Variants in CNTROB observed in about 807,000 individuals in gnomAD.
CNTROB encodes centrobin.
Under a neutral mutation model 115.7 loss-of-function variants are expected in CNTROB, and 82 were observed. The ratio of observed to expected loss-of-function variants is 0.71; its 90% CI spans 0.59 to 0.85. CNTROB has a LOEUF of 0.85. Ranked by LOEUF, CNTROB falls within the 40% of genes least tolerant of loss-of-function variation. The pLI, the probability that CNTROB is intolerant of heterozygous loss-of-function variation, is 0.00. For synonymous variants in CNTROB, 439 were observed against 456.4 expected (o/e 0.96, Z 0.49); for missense variants, 1,014 against 1,144.4 (o/e 0.89, Z 1.64).
rs1390287268 is a variant in CNTROB at position 7,939,870 on chromosome 17, C to T, written c.1164+121C>T. On this transcript the variant is annotated intron_variant, in intron 8 of 18. Coordinates refer to ENST00000563694, the MANE Select transcript of CNTROB (RefSeq NM_053051.5). The surrounding 1 kb of genome is among the most constrained non-coding windows in gnomAD (Gnocchi z 4.4). ...TAGGCAGGAATGGAGAGTAGAGAGC[C>T]ATGTGTGGGAGACAAGGTTGAGAGT... 9.1e-7 allele frequency: 1 copy of T among 1,100,124 alleles called. No homozygotes were observed. The highest frequency in any genetic ancestry group is 1.3e-6 in the Non-Finnish European group (1 of 751,182). The allele number at this position is 1,100,124 out of a possible 1,614,324, so 68.1% of individuals were successfully genotyped here. A position where few individuals can be genotyped will look rare whatever the true frequency, so the allele number is the denominator to read the frequency against.
chr17:7,932,839 CTT>C lies in CNTROB; in HGVS notation c.-240_-239del. 1 of 558,090 alleles carries C rather than the reference CTT, an allele frequency of 1.8e-6. No individual in the cohort carries two copies. Among genetic ancestry groups the C allele is most frequent in the East Asian group, 3.0e-5 (1 of 32,974 alleles). 34.6% of individuals were successfully genotyped at this position (558,090 alleles called of 1,614,324 possible). The stretch of plus-strand genomic sequence containing the variant: ...CCGCACCCGCTCTGCGCTGCACCCT[CTT>C]AACGCTGTTCCCAGGAGCTGGGGAA... On this transcript the variant is annotated 5_prime_UTR_variant, in exon 1 of 19. Coordinates refer to ENST00000563694, the MANE Select transcript of CNTROB (RefSeq NM_053051.5).
At chr17:7,942,098 C>G (rs556545816) in intron 9 of CNTROB, among the ~76,000 whole-genome samples, 1 of 151,492 alleles carries the variant, frequency 6.6e-6, no homozygotes, top group Non-Finnish European at 1.5e-5. Context: ...GAGACCCCAT[C>G]TCTACAAAAA....
rs963939314 is a variant in CNTROB at position 7,949,543 on chromosome 17, ATTG to A, written c.*39_*41del. On this transcript the variant is annotated 3_prime_UTR_variant, in exon 19 of 19. Coordinates refer to ENST00000563694, the MANE Select transcript of CNTROB (RefSeq NM_053051.5). ...TACCCTCTCTCCTCTTTGTTCTCTC[ATTG>A]TTGTTATTTTAATAAATGCTCATTA... 6.4e-7 allele frequency: 1 copy of A among 1,557,008 alleles called. No individual in the cohort carries two copies. The highest frequency in any genetic ancestry group is 8.7e-7 in the Non-Finnish European group (1 of 1,153,608).
intron 12 of CNTROB, 138 bp from the exon 13 acceptor site, chr17:7,945,590 G>T (rs2151772536): frequency 1.1e-6 from 1 of 893,384 alleles, no homozygotes; most frequent in Non-Finnish European, 1.7e-6. Context: ...GCCTCAAACG[G>T]TCCTCCCAAA....
chr17:7,947,790 GGAAT>G (rs1313305640), intron 14 of CNTROB, 68 bp downstream of exon 14: 3 of 1,601,516 alleles, frequency 1.9e-6, no homozygotes, highest in Non-Finnish European at 2.6e-6. Flanking sequence ...TTCTGCTCTG[GGAAT>G]CCAGGACTCT....
At position 7,948,667 on chromosome 17, in the gene CNTROB, A is replaced by T. The variant is rs1225722496; in HGVS notation, c.2513+48A>T. On this transcript the variant is annotated intron_variant, in intron 17 of 18. Coordinates refer to ENST00000563694, the MANE Select transcript of CNTROB (RefSeq NM_053051.5). This position sits in a 1 kb window ranked among gnomAD's most constrained non-coding sequence, Gnocchi z 4.4. ...GAAGGATTCTCCGGGTGGAAGCTGGATTATGGGGAGTGGAGTGGGTGTGTT... is the reference window on the plus strand; with the variant it reads ...GAAGGATTCTCCGGGTGGAAGCTGGTTTATGGGGAGTGGAGTGGGTGTGTT... 2.5e-6 allele frequency: 4 copies of T among 1,614,056 alleles called. No individual in the cohort carries two copies. Among genetic ancestry groups the T allele is most frequent in the Non-Finnish European group, 3.4e-6 (4 of 1,179,976 alleles).
intron 7 of CNTROB, among the ~76,000 whole-genome samples, chr17:7,938,139 A>G (rs954742696): frequency 2.6e-5 from 4 of 151,530 alleles, no homozygotes; most frequent in Non-Finnish European, 5.9e-5. Flanking sequence ...AGTAGCTGGG[A>G]CTACAGGCGT....
At chr17:7,946,180 G>A (rs111762213) in intron 13 of CNTROB, among the ~76,000 whole-genome samples, 194 bp downstream of exon 13, 68 of 152,354 alleles carry the variant, frequency 4.5e-4, no homozygotes, top group African/African-American at 1.6e-3. Context: ...ATATGACATC[G>A]CTGGACTTAA....
intron 4 of CNTROB, chr17:7,936,117 A>C: frequency 2.2e-6 from 1 of 458,938 alleles, no homozygotes; most frequent in Non-Finnish European, 3.9e-6. Flanking sequence ...TACTCAGGAG[A>C]TCCAGGAAAA....
At chr17:7,935,167 TC>T (rs751382201) in intron 4 of CNTROB, 22 bp downstream of exon 4, 14 of 1,613,600 alleles carry the variant, frequency 8.7e-6, no homozygotes, top group African/African-American at 1.3e-5. Context: ...ACGCTTCCTT[TC>T]GAAAGCAGCA....
At chr17:7,937,394 T>C in intron 7 of CNTROB, 132 bp downstream of exon 7, 1 of 1,031,158 alleles carries the variant, frequency 9.7e-7, no homozygotes, top group Admixed American at 2.5e-5. Context: ...GTGTGTTCCT[T>C]AGAACACTAA....
At position 7,944,519 on chromosome 17, in the gene CNTROB, A is replaced by T. The variant is rs62623385; in HGVS notation, c.1615A>T (p.Asn539Tyr). The change falls in exon 12 of 19, where the codon AAC becomes TAC. Residue 539 changes from asparagine (N) to tyrosine (Y), a missense_variant. By Grantham distance (143) the Asn-to-Tyr change is moderately radical. Transcript: ENST00000563694. The surrounding 1 kb of genome is among the most constrained non-coding windows in gnomAD (Gnocchi z 4.0). ...QARVCELQSG[N>Y]QQLEEQRVEL... ...GCGAGTGTGCGAACTGCAGAGTGGG[A>T]ACCAGCAGCTGGAGGAGCAGCGGGT... 0.03 allele frequency: 49,149 copies of T among 1,614,068 alleles called. 904 individuals are homozygous for T. The highest frequency in any genetic ancestry group is 0.034 in the Non-Finnish European group (40,668 of 1,179,984).
rs759968556 is a variant in CNTROB, at chr17:7,949,476, G to A, written c.2678G>A (p.Ser893Asn). 6 of 1,613,984 alleles carry A rather than the reference G, an allele frequency of 3.7e-6. No homozygotes were observed. The highest frequency in any genetic ancestry group is 5.1e-6 in the Non-Finnish European group (6 of 1,180,002). ...ARKKSGHPAP[S>N]SMRSRGGVWR ...AAGAAAAGTGGGCACCCTGCCCCGAGTAGCATGAGGAGCCGGGGGGGAGTC... is the reference window on the plus strand; with the variant it reads ...AAGAAAAGTGGGCACCCTGCCCCGAATAGCATGAGGAGCCGGGGGGGAGTC... Residue 893 changes from serine (S) to asparagine (N), a missense_variant, in exon 19 of 19, where the codon AGT becomes AAT. Ser to Asn is a conservative substitution (Grantham distance 46). Transcript: ENST00000563694.
At chr17:7,949,194 G>T in intron 18 of CNTROB, 37 bp downstream of exon 18, 1 of 1,599,900 alleles carries the variant, frequency 6.3e-7, no homozygotes, top group South Asian at 1.1e-5. Context: ...GGGAGAAAAG[G>T]GCTCTCACTG....
rs1312746622 is a variant in CNTROB at position 7,934,461 on chromosome 17, G to A, written c.356-4G>A. 6 of 1,613,886 alleles carry A rather than the reference G, an allele frequency of 3.7e-6. No homozygotes were observed. Among genetic ancestry groups the A allele is most frequent in the Non-Finnish European group, 5.1e-6 (6 of 1,179,890 alleles). On this transcript the variant is annotated splice_polypyrimidine_tract_variant and splice_region_variant and intron_variant, in intron 2 of 18. Coordinates refer to ENST00000563694, the MANE Select transcript of CNTROB (RefSeq NM_053051.5). The stretch of plus-strand genomic sequence containing the variant: ...GGCTTTGGGGTCCCTCTGGCTGCCT[G>A]CAGGGGATCCTCTCATTCCTGGCGC...
Position 7,932,643 on chromosome 17 carries a change from T to G in CNTROB, c.-437T>G. The G allele has an allele frequency of 5.9e-6, 1 of 170,322 alleles. No individual in the cohort carries two copies. The highest frequency in any genetic ancestry group is 1.2e-5 in the Non-Finnish European group (1 of 80,258). 10.6% of individuals were successfully genotyped at this position (170,322 alleles called of 1,614,324 possible). On this transcript the variant is annotated 5_prime_UTR_variant, in exon 1 of 19. Transcript: ENST00000563694. ...GACTAGTAGGGCAGGGGGACAGAAA[T>G]TGGGCTCCTAGTGGATTTGGGTCCG... is the stretch of plus-strand genomic sequence containing the variant.
chr17:7,937,960 C>CA (rs572199446), intron 7 of CNTROB, among the ~76,000 whole-genome samples: 1 of 146,004 alleles, frequency 6.8e-6, no homozygotes, highest in Non-Finnish European at 1.5e-5. Context: ...AGGGCATGGC[C>CA]AAAAAAGGTA....
chr17:7,941,604 A>C (rs1475428932), intron 9 of CNTROB, among the ~76,000 whole-genome samples: 1 of 150,888 alleles, frequency 6.6e-6, no homozygotes, highest in Non-Finnish European at 1.5e-5. Flanking sequence ...ATCTCAAAAA[A>C]AAAAAAAAAA....
In CNTROB at chr17:7,939,434, C is replaced by T. The variant is rs1170855263; in HGVS notation, c.928-79C>T. On this transcript the variant is annotated intron_variant, in intron 7 of 18. Transcript: ENST00000563694. This position sits in a 1 kb window ranked among gnomAD's most constrained non-coding sequence, Gnocchi z 4.4. Reference sequence around the variant, plus strand: ...TAATGAGCATAATTCTCAGCAGGCACCTTGTATGAGGGTCAGAGGGCAGAT... The same window carrying T: ...TAATGAGCATAATTCTCAGCAGGCATCTTGTATGAGGGTCAGAGGGCAGAT... 2 of 1,192,452 alleles carry T rather than the reference C, an allele frequency of 1.7e-6. No homozygotes were observed. The highest frequency in any genetic ancestry group is 1.5e-5 in the African/African-American group (1 of 66,086). The allele number at this position is 1,192,452 out of a possible 1,614,324, so 73.9% of individuals were successfully genotyped here.
Sources: gnomAD v4.1 joint callset for allele counts (sites outside exome capture counted in the v4.1 genomes callset) on GRCh38, gnomAD v4.1.1 for gene constraint, Gnocchi (gnomAD v3.1) non-coding constraint, MANE v1.5 for transcripts, NCBI Gene and HGNC (gene_info 2026-07-23, HGNC 2026-07-21) for gene names.